The following SNURF variants were observed in gnomAD, a reference collection of about 807,000 sequenced individuals.
The protein encoded by SNURF is SNRPN upstream open reading frame.
A neutral mutation model predicts 11.6 loss-of-function variants in SNURF; 6 were observed. The ratio of observed to expected loss-of-function variants is 0.52; its 90% CI spans 0.28 to 1.02. The LOEUF (loss-of-function observed/expected upper bound fraction) is 1.02. Among genes scored for constraint, SNURF ranks in the 50% least tolerant of loss-of-function variants. SNURF has a pLI of 0.09. For missense variants in SNURF, 84 were observed against 88.4 expected (o/e 0.95, Z 0.20); for synonymous variants, 29 against 31.6 (o/e 0.92, Z 0.27).
intron 3 of SNURF, chr15:24,975,350 G>T (rs1209551201): frequency 1.9e-6 from 3 of 1,611,588 alleles, no homozygotes; most frequent in Non-Finnish European, 2.5e-6. Flanking sequence ...TTGTCTTACT[G>T]CTTCTAGACT....
downstream of SNURF, chr15:24,978,547 T>C (rs899626537): frequency 4.9e-6 from 5 of 1,011,718 alleles, no homozygotes; most frequent in Non-Finnish European, 6.3e-6. Flanking sequence ...GCATTAATAA[T>C]AGCTAATAAT....
chr15:24,968,860 G>T (rs897491588), downstream of SNURF: 1 of 151,870 alleles, frequency 6.6e-6, no homozygotes. Context: ...TTCTTTTTAT[G>T]TTGCTTTCAT....
intron 1 of SNURF, among the ~76,000 whole-genome samples, chr15:24,956,994 C>T (rs916916524): frequency 6.6e-6 from 1 of 152,200 alleles, no homozygotes; most frequent in Non-Finnish European, 1.5e-5. Flanking sequence ...TTTTCTGACT[C>T]CCTGGAAAAT....
intron 2 of SNURF, chr15:24,967,134 C>G (rs967720663): frequency 6.6e-6 from 1 of 152,136 alleles, no homozygotes; most frequent in Non-Finnish European, 1.5e-5. Context: ...AAGGATTGTT[C>G]ACACAGGATA....
chr15:24,975,235 G>T, intron 3 of SNURF: 1 of 723,626 alleles, frequency 1.4e-6, no homozygotes. Context: ...TGAAAAAGGA[G>T]AGAATATTTG....
At chr15:24,972,231 G>A (rs2076503937), downstream of SNURF, among the ~76,000 whole-genome samples, 1 of 150,014 alleles carries the variant, frequency 6.7e-6, no homozygotes, top group Admixed American at 6.7e-5. Context: ...ACTCCAGCCT[G>A]GGCAACAGAG....
intron 6 of SNURF, chr15:24,977,134 A>C: frequency 2.2e-6 from 2 of 918,196 alleles, no homozygotes; most frequent in Non-Finnish European, 3.1e-6. Context: ...TGTAAACAGC[A>C]TATGGTTTAG....
chr15:24,973,138 C>G (rs1036965711), downstream of SNURF, among the ~76,000 whole-genome samples: 8 of 152,234 alleles, frequency 5.3e-5, no homozygotes, highest in East Asian at 1.6e-3. Context: ...ATCCGCCCAC[C>G]TCGGTTTCCC....
chr15:24,978,180 T>G, downstream of SNURF: 1 of 1,609,522 alleles, frequency 6.2e-7, no homozygotes, highest in Non-Finnish European at 8.5e-7. Context: ...ATTTCTACCA[T>G]TTTTCACTGT....
chr15:24,957,073 A>C (rs2063053036), intron 1 of SNURF, among the ~76,000 whole-genome samples: 1 of 152,026 alleles, frequency 6.6e-6, no homozygotes, highest in Non-Finnish European at 1.5e-5. Context: ...TTCAAACTGG[A>C]CTTGTTAACC....
downstream of SNURF, chr15:24,978,180 T>C: frequency 6.2e-7 from 1 of 1,609,522 alleles, no homozygotes. Flanking sequence ...ATTTCTACCA[T>C]TTTTCACTGT....
At chr15:24,959,045 C>T (rs2074351148) in intron 1 of SNURF, among the ~76,000 whole-genome samples, 1 of 152,110 alleles carries the variant, frequency 6.6e-6, no homozygotes, top group Admixed American at 6.6e-5. Flanking sequence ...TTCTTGAGAT[C>T]TTAGTTAAAT....
downstream of SNURF, among the ~76,000 whole-genome samples, chr15:24,971,946 T>C (rs1043113912): frequency 6.6e-6 from 1 of 152,108 alleles, no homozygotes; most frequent in African/African-American, 2.4e-5. Context: ...GTCCCAAGTG[T>C]TGCAGTGCTA....
chr15:24,975,335 G>C, intron 3 of SNURF: 3 of 1,604,118 alleles, frequency 1.9e-6, no homozygotes, highest in Non-Finnish European at 1.7e-6. Flanking sequence ...AGCTGAACAT[G>C]ACTCTTGTCT....
rs775190608 is a variant in SNURF at position 24,962,144 on chromosome 15, A to G, written c.45A>G (p.Glu15=). ...GCTTACACCTGAGACGAACTACAGA[A>G]CAGCACGTACCAGAGGTGGAAGTCC... The change falls in exon 2 of 3, where the codon GAA becomes GAG. Residue 15 remains glutamate (E), a synonymous_variant. Coordinates refer to ENST00000577949, the Ensembl canonical transcript of SNURF. The G allele has an allele frequency of 2.5e-6, 4 of 1,614,206 alleles. No homozygotes were observed. The South Asian group carries it at 3.3e-5, about 13-fold the overall frequency.
intron 1 of SNURF, among the ~76,000 whole-genome samples, chr15:24,956,318 C>T (rs2153363856): frequency 1.4e-5 from 2 of 146,216 alleles, no homozygotes; most frequent in Admixed American, 1.5e-4. Flanking sequence ...AAGATGGCCG[C>T]CGCTGCAGCG....
intron 2 of SNURF, chr15:24,967,016 T>G (rs538922667): frequency 1.3e-5 from 2 of 152,212 alleles, no homozygotes; most frequent in Admixed American, 6.5e-5. Context: ...GCCCTGGAAG[T>G]TCTATATTTC....
chr15:24,956,992 C>G (rs2063033462), intron 1 of SNURF, among the ~76,000 whole-genome samples: 1 of 152,206 alleles, frequency 6.6e-6, no homozygotes, highest in Non-Finnish European at 1.5e-5. Context: ...GGTTTTCTGA[C>G]TCCCTGGAAA....
chr15:24,973,755 G>A (rs890062849), downstream of SNURF, among the ~76,000 whole-genome samples: 1 of 152,106 alleles, frequency 6.6e-6, no homozygotes, highest in East Asian at 1.9e-4. Flanking sequence ...AGTTGTTTAT[G>A]TGAGTCTATA....
Sources: allele counts gnomAD v4.1 joint callset (sites outside exome capture counted in the v4.1 genomes callset), GRCh38; gene constraint gnomAD v4.1.1; transcripts MANE v1.5; gene names NCBI Gene and HGNC (gene_info 2026-07-23, HGNC 2026-07-21).